The following AGBL4 variants were observed in gnomAD, a reference collection of about 807,000 sequenced individuals.
AGBL4 encodes cytosolic carboxypeptidase 6.
Under a neutral mutation model 66.4 loss-of-function variants are expected in AGBL4, and 58 were observed. The observed-to-expected ratio is 0.87, with a 90% CI of 0.71 to 1.09. The LOEUF (loss-of-function observed/expected upper bound fraction) is 1.09, where lower values mean the gene tolerates loss of function less well. AGBL4 is among the 50% of genes least tolerant of loss of function. AGBL4 has a pLI of 0.00. For missense variants in AGBL4, 579 were observed against 631.0 expected (o/e 0.92, Z 0.88); for synonymous variants, 234 against 222.9 (o/e 1.05, Z -0.44).
At chr1:49,305,605 C>T (rs1394483873) in intron 3 of AGBL4, among the ~76,000 whole-genome samples, 2 of 151,938 alleles carry the variant, frequency 1.3e-5, no homozygotes, top group Admixed American at 6.6e-5. Context: ...GTCATTAAAG[C>T]GGATCAGAAT....
At chr1:49,622,377 C>A (rs1222182278) in intron 3 of AGBL4, among the ~76,000 whole-genome samples, 1 of 151,970 alleles carries the variant, frequency 6.6e-6, no homozygotes, top group African/African-American at 2.4e-5. Context: ...CGCCTGTAAT[C>A]CCAGCACTTT....
chr1:48,959,541 A>G (rs923698862), intron 5 of AGBL4, among the ~76,000 whole-genome samples: 1 of 152,206 alleles, frequency 6.6e-6, no homozygotes, highest in African/African-American at 2.4e-5. Flanking sequence ...AAGGCAGAGT[A>G]AGAGAGACTG....
At chr1:48,652,051 G>A (rs1645939100) in intron 8 of AGBL4, among the ~76,000 whole-genome samples, 1 of 152,060 alleles carries the variant, frequency 6.6e-6, no homozygotes. Flanking sequence ...TCGATAACCA[G>A]GCCTGCTTGG....
At chr1:49,485,087 C>G (rs901223846) in intron 3 of AGBL4, among the ~76,000 whole-genome samples, 5 of 151,834 alleles carry the variant, frequency 3.3e-5, no homozygotes, top group African/African-American at 1.2e-4. Context: ...TACCATTTGA[C>G]CCAGCCATCC....
chr1:48,834,341 A>G (rs1347905166), intron 6 of AGBL4, among the ~76,000 whole-genome samples: 2 of 152,110 alleles, frequency 1.3e-5, no homozygotes, highest in African/African-American at 2.4e-5. Context: ...TGATGGGAGG[A>G]ATTAATGTAT....
intron 3 of AGBL4, among the ~76,000 whole-genome samples, chr1:49,432,031 TGAA>T (rs750456382): frequency 1.1e-4 from 17 of 152,074 alleles, no homozygotes; most frequent in Non-Finnish European, 2.4e-4. Context: ...GACAAAATAA[TGAA>T]GGAATTTTTT....
intron 5 of AGBL4, among the ~76,000 whole-genome samples, chr1:48,916,680 A>G (rs547015450): frequency 2.0e-5 from 3 of 152,286 alleles, no homozygotes; most frequent in South Asian, 4.1e-4. Context: ...TTGAATTTCC[A>G]TATCAGGGCA....
chr1:49,095,837 A>G (rs1280139095), intron 4 of AGBL4, among the ~76,000 whole-genome samples: 4 of 151,202 alleles, frequency 2.6e-5, no homozygotes, highest in African/African-American at 9.7e-5. Context: ...AAATTGACAA[A>G]TGGGATCTAA....
At chr1:49,939,026 AC>A (rs1302795126) in intron 1 of AGBL4, among the ~76,000 whole-genome samples, 1 of 152,028 alleles carries the variant, frequency 6.6e-6, no homozygotes, top group Non-Finnish European at 1.5e-5. Context: ...AAATCAATGT[AC>A]AAAAATCACA....
intron 4 of AGBL4, among the ~76,000 whole-genome samples, chr1:49,245,525 G>A (rs1651571770): frequency 1.3e-5 from 2 of 151,758 alleles, no homozygotes; most frequent in South Asian, 4.1e-4. Flanking sequence ...ACAGGACCAT[G>A]TTTCCAACAT....
intron 2 of AGBL4, among the ~76,000 whole-genome samples, chr1:49,762,499 G>A (rs1652406712): frequency 6.6e-6 from 1 of 150,644 alleles, no homozygotes; most frequent in South Asian, 2.1e-4. Context: ...TGAAAGCTCC[G>A]TCTTCCGGGT....
At chr1:49,959,014 A>T (rs1026730966) in intron 1 of AGBL4, among the ~76,000 whole-genome samples, 3 of 151,008 alleles carry the variant, frequency 2.0e-5, no homozygotes, top group Non-Finnish European at 4.4e-5. Flanking sequence ...GCAGCCCAAG[A>T]TAAAAAAAAA....
At chr1:48,827,860 T>C (rs1445115391) in intron 6 of AGBL4, among the ~76,000 whole-genome samples, 4 of 151,888 alleles carry the variant, frequency 2.6e-5, no homozygotes, top group African/African-American at 9.7e-5. Flanking sequence ...TGCTAGTAAG[T>C]ATTGAAAATG....
intron 1 of AGBL4, among the ~76,000 whole-genome samples, chr1:49,941,432 G>A (rs1654749820): frequency 6.6e-6 from 1 of 151,878 alleles, no homozygotes; most frequent in Admixed American, 6.6e-5. Flanking sequence ...TACAAGAAAA[G>A]AAAAATATAG....
chr1:49,690,250 T>A (rs1646862159), intron 3 of AGBL4, among the ~76,000 whole-genome samples: 5 of 152,196 alleles, frequency 3.3e-5, no homozygotes, highest in Admixed American at 3.3e-4. Flanking sequence ...AACCAAAAAA[T>A]TCATGTGACT....
chr1:49,957,850 C>T (rs1049184752), intron 1 of AGBL4, among the ~76,000 whole-genome samples: 14 of 152,010 alleles, frequency 9.2e-5, no homozygotes, highest in Non-Finnish European at 1.5e-4. Flanking sequence ...GAGCATTTAG[C>T]CCATTTACAT....
intron 4 of AGBL4, among the ~76,000 whole-genome samples, chr1:49,083,634 G>T (rs1342155310): frequency 6.6e-6 from 1 of 152,232 alleles, no homozygotes; most frequent in Non-Finnish European, 1.5e-5. Context: ...GATAGGAGGG[G>T]CTGCCATGAA....
At chr1:49,102,862 C>T (rs186548307) in intron 4 of AGBL4, among the ~76,000 whole-genome samples, 73 of 152,260 alleles carry the variant, frequency 4.8e-4, no homozygotes, top group African/African-American at 1.7e-3. Flanking sequence ...CACTTGTTCT[C>T]ACTTCAATCT....
chr1:49,225,108 T>C (rs1649809647), intron 4 of AGBL4, among the ~76,000 whole-genome samples: 1 of 152,210 alleles, frequency 6.6e-6, no homozygotes, highest in Non-Finnish European at 1.5e-5. Context: ...ATTGACTCCT[T>C]TCATTCACTA....
Sources: gnomAD v4.1 joint callset for allele counts (sites outside exome capture counted in the v4.1 genomes callset) on GRCh38, gnomAD v4.1.1 for gene constraint, MANE v1.5 for transcripts, NCBI Gene and HGNC (gene_info 2026-07-23, HGNC 2026-07-21) for gene names.